OPCML: variants seen among roughly 807,000 people sequenced by gnomAD.
OPCML encodes opioid-binding protein/cell adhesion molecule.
In OPCML, 13 loss-of-function variants were observed where a neutral mutation model predicts 37.8. The observed-to-expected ratio is 0.34, with a 90% CI of 0.22 to 0.55. OPCML has a LOEUF of 0.55. Among genes scored for constraint, OPCML ranks in the 20% least tolerant of loss-of-function variants. The probability of loss-of-function intolerance (pLI) is 0.91; values close to 1 mark genes in which losing one functional copy is unlikely to be tolerated. For synonymous variants in OPCML, 176 were observed against 168.8 expected (o/e 1.04, Z -0.33); for missense variants, 341 against 435.6 (o/e 0.78, Z 1.93).
intron 1 of OPCML, among the ~76,000 whole-genome samples, chr11:133,080,420 A>G (rs1330524933): frequency 1.3e-5 from 2 of 150,904 alleles, no homozygotes; most frequent in East Asian, 1.9e-4. Context: ...AATGCCAACG[A>G]TTCCATACTT....
intron 1 of OPCML, among the ~76,000 whole-genome samples, chr11:132,950,263 A>G (rs1317087112): frequency 6.6e-6 from 1 of 152,242 alleles, no homozygotes; most frequent in African/African-American, 2.4e-5. Context: ...AGGGCAAGAC[A>G]GGAGCAGCAG....
rs905939040 is a variant in OPCML at position 133,006,165 on chromosome 11, T to C, written c.62-63155A>G. On this transcript the variant is annotated intron_variant, in intron 1 of 7. Transcript: ENST00000524381. The stretch of plus-strand genomic sequence containing the variant: ...CTGGAGAAGCTCCAACCTACTGAGG[T>C]CGAGCCTTGGGAAGTTCGCGCCATC... The C allele has an allele frequency of 3.1e-6, 3 of 975,732 alleles. No homozygotes were observed. The African/African-American group carries it at 5.3e-5, about 17-fold the overall frequency. 60.4% of individuals were successfully genotyped at this position (975,732 alleles called of 1,614,324 possible). A position where few individuals can be genotyped will look rare whatever the true frequency, so the allele number is the denominator to read the frequency against.
chr11:132,974,077 G>T (rs964998874), intron 1 of OPCML, among the ~76,000 whole-genome samples: 2 of 152,134 alleles, frequency 1.3e-5, no homozygotes, highest in Non-Finnish European at 2.9e-5. Context: ...CATGTCTCTG[G>T]CCATGCTTTG....
At chr11:132,769,181 AAAG>A (rs1453678398) in intron 2 of OPCML, among the ~76,000 whole-genome samples, 3 of 151,780 alleles carry the variant, frequency 2.0e-5, no homozygotes, top group Non-Finnish European at 4.4e-5. Flanking sequence ...GTCTACACTG[AAAG>A]AAGTGATAAC....
At chr11:133,326,266 T>TCG (rs1943445555) in intron 1 of OPCML, among the ~76,000 whole-genome samples, 1 of 121,432 alleles carries the variant, frequency 8.2e-6, no homozygotes. Context: ...ATGTGGGGTG[T>TCG]GTGTATGTGT....
At chr11:133,154,114 C>T (rs1172474262) in intron 1 of OPCML, among the ~76,000 whole-genome samples, 1 of 151,972 alleles carries the variant, frequency 6.6e-6, no homozygotes, top group East Asian at 1.9e-4. Flanking sequence ...AGAGGACCCA[C>T]GCTCATCTGT....
intron 1 of OPCML, among the ~76,000 whole-genome samples, chr11:133,435,558 A>T (rs755281526): frequency 1.3e-5 from 2 of 152,212 alleles, no homozygotes; most frequent in African/African-American, 2.4e-5. Context: ...AATAAATAAC[A>T]TCCTCATTCA....
intron 1 of OPCML, among the ~76,000 whole-genome samples, chr11:133,259,035 G>C (rs1941410994): frequency 6.6e-6 from 1 of 152,124 alleles, no homozygotes; most frequent in Admixed American, 6.5e-5. Context: ...TGTCTTCCTG[G>C]CTCTGAGACA....
In OPCML at chr11:132,418,888, G is replaced by A. The variant is rs1328084037; in HGVS notation, c.*1305C>T. 1 of 152,664 alleles carries A rather than the reference G, an allele frequency of 6.6e-6. No homozygotes were observed. The highest frequency in any genetic ancestry group is 1.5e-5 in the Non-Finnish European group (1 of 68,050). 9.5% of individuals were successfully genotyped at this position (152,664 alleles called of 1,614,324 possible). On this transcript the variant is annotated 3_prime_UTR_variant, in exon 8 of 8. Coordinates refer to ENST00000524381, the MANE Select transcript of OPCML (RefSeq NM_001012393.5). The stretch of plus-strand genomic sequence containing the variant: ...CACCTTTGTCCTTCAAGTGCAAAAG[G>A]AAAACCACAGTGCTAATCAAAACTT...
At chr11:132,643,045 GAC>G (rs1212835279) in intron 3 of OPCML, among the ~76,000 whole-genome samples, 1 of 152,192 alleles carries the variant, frequency 6.6e-6, no homozygotes, top group Non-Finnish European at 1.5e-5. Flanking sequence ...GTGAGAGGCA[GAC>G]ACCTGGCCTG....
At chr11:133,340,601 ACT>A (rs748563381) in intron 1 of OPCML, among the ~76,000 whole-genome samples, 1,259 of 106,170 alleles carry the variant, frequency 0.012, 9 homozygotes, top group Middle Eastern at 0.043. Flanking sequence ...ACAAATTAAG[ACT>A]CTCTCTGTGT....
chr11:133,248,679 A>G (rs1283033703), intron 1 of OPCML, among the ~76,000 whole-genome samples: 1 of 152,162 alleles, frequency 6.6e-6, no homozygotes, highest in Non-Finnish European at 1.5e-5. Flanking sequence ...CCTAAGATGG[A>G]TGGAGAAGTT....
intron 2 of OPCML, 129 bp downstream of exon 2, chr11:132,942,797 G>T: frequency 8.4e-7 from 1 of 1,191,072 alleles, no homozygotes; most frequent in Non-Finnish European, 1.2e-6. Flanking sequence ...ACGCAAGCGG[G>T]CGCCCCTCGG....
chr11:133,180,112 C>T (rs1033907294), intron 1 of OPCML, among the ~76,000 whole-genome samples: 10 of 152,172 alleles, frequency 6.6e-5, no homozygotes, highest in South Asian at 6.2e-4. Flanking sequence ...CACTGCTCCA[C>T]GGCTGTGAAA....
chr11:133,463,086 G>C (rs1429919758), intron 1 of OPCML, among the ~76,000 whole-genome samples: 2 of 138,908 alleles, frequency 1.4e-5, no homozygotes, highest in Non-Finnish European at 3.0e-5. Context: ...AGCCACAAAA[G>C]GCAAGCACTG....
At chr11:132,430,613 C>G (rs982388876) in intron 7 of OPCML, among the ~76,000 whole-genome samples, 2 of 152,038 alleles carry the variant, frequency 1.3e-5, no homozygotes, top group African/African-American at 4.8e-5. Flanking sequence ...TTAACTGGAG[C>G]GTTTTCCTTT....
chr11:132,425,209 C>G (rs2095974180), intron 7 of OPCML, among the ~76,000 whole-genome samples: 1 of 152,222 alleles, frequency 6.6e-6, no homozygotes. Flanking sequence ...GCACAAACTT[C>G]AGGAGGAGCT....
intron 1 of OPCML, among the ~76,000 whole-genome samples, chr11:133,523,214 C>T (rs1030823692): frequency 3.3e-5 from 5 of 152,106 alleles, no homozygotes; most frequent in Admixed American, 6.5e-5. Context: ...ATTATTAGAC[C>T]GCCAAGAAGT....
intron 3 of OPCML, among the ~76,000 whole-genome samples, chr11:132,650,845 T>G (rs1157008889): frequency 6.6e-6 from 1 of 152,214 alleles, no homozygotes; most frequent in Non-Finnish European, 1.5e-5. Context: ...CAATTTTAAG[T>G]AGCGGTTGAA....
Sources: gnomAD v4.1 joint callset for allele counts (sites outside exome capture counted in the v4.1 genomes callset) on GRCh38, gnomAD v4.1.1 for gene constraint, MANE v1.5 for transcripts, NCBI Gene and HGNC (gene_info 2026-07-23, HGNC 2026-07-21) for gene names.